The following SLC30A8 variants were observed in gnomAD, a reference collection of about 807,000 sequenced individuals.
SLC30A8 encodes the protein solute carrier family 30 member 8, also known as proton-coupled zinc antiporter SLC30A8.
In SLC30A8, 27 loss-of-function variants were observed where a neutral mutation model predicts 36.9. The ratio of observed to expected loss-of-function variants is 0.73; its 90% CI spans 0.54 to 1.01. The LOEUF is 1.01. Among genes scored for constraint, SLC30A8 ranks in the 50% least tolerant of loss-of-function variants. SLC30A8 has a pLI of 0.00. For synonymous variants in SLC30A8, 164 were observed against 172.4 expected, an observed-to-expected ratio of 0.95 and a Z score of 0.38; for missense variants, 439 against 452.0, an observed-to-expected ratio of 0.97 and a Z score of 0.26.
At chr8:117,008,759 T>G (rs1816256033) in intron 1 of SLC30A8, among the ~76,000 whole-genome samples, 1 of 152,210 alleles carries the variant, frequency 6.6e-6, no homozygotes, top group East Asian at 1.9e-4. Flanking sequence ...TCATGCTTTG[T>G]GTAGCCCAGT....
intron 1 of SLC30A8, among the ~76,000 whole-genome samples, chr8:116,956,046 G>C (rs541188647): frequency 1.3e-4 from 20 of 152,200 alleles, no homozygotes; most frequent in Non-Finnish European, 2.6e-4. Flanking sequence ...TGAGGTTGGT[G>C]ATCATGAATT....
intron 2 of SLC30A8, among the ~76,000 whole-genome samples, chr8:117,113,929 A>G (rs1180301438): frequency 6.6e-6 from 1 of 152,148 alleles, no homozygotes; most frequent in Non-Finnish European, 1.5e-5. Flanking sequence ...TTTATAAAAC[A>G]CAGAAGATTT....
Position 117,125,765 on chromosome 8 carries a change from T to C in SLC30A8, c.-225-9515T>C, listed in dbSNP as rs193198006. Among the ~76,000 whole-genome samples, 388 of 152,118 alleles carry C rather than the reference T, an allele frequency of 2.6e-3. 4 individuals carry two copies. The highest frequency in any genetic ancestry group is 0.023 in the Admixed American group (356 of 15,260). ...GAACTCCTCATGTCTCATAATAAATTGGTTCTCTCCATATATATTTAAGAA... is the reference window on the plus strand; with the variant it reads ...GAACTCCTCATGTCTCATAATAAATCGGTTCTCTCCATATATATTTAAGAA... On this transcript the variant is annotated intron_variant, in intron 2 of 10. Transcript: ENST00000427715.
chr8:117,064,071 C>A (rs904089540), intron 2 of SLC30A8, among the ~76,000 whole-genome samples: 1 of 151,922 alleles, frequency 6.6e-6, no homozygotes, highest in Non-Finnish European at 1.5e-5. Context: ...GATCTCCACT[C>A]ACTGCAACCT....
At chr8:117,016,018 A>T (rs1461630333) in intron 1 of SLC30A8, among the ~76,000 whole-genome samples, 2 of 152,188 alleles carry the variant, frequency 1.3e-5, no homozygotes, top group Non-Finnish European at 2.9e-5. Context: ...CTTGAATAAG[A>T]AGGAACAAGA....
At chr8:117,123,608 C>A (rs1220943875) in intron 2 of SLC30A8, among the ~76,000 whole-genome samples, 1 of 151,976 alleles carries the variant, frequency 6.6e-6, no homozygotes, top group Non-Finnish European at 1.5e-5. Context: ...ATAGCAATTA[C>A]ATATTTTACT....
intron 1 of SLC30A8, among the ~76,000 whole-genome samples, chr8:116,956,402 T>C (rs997027424): frequency 6.6e-5 from 10 of 152,164 alleles, no homozygotes; most frequent in Admixed American, 6.5e-5. Flanking sequence ...AGGATGTAAC[T>C]GAAGTGTGGT....
intron 2 of SLC30A8, among the ~76,000 whole-genome samples, chr8:117,101,417 ACTCAGTTGG>A (rs1819715492): frequency 6.6e-6 from 1 of 152,196 alleles, no homozygotes; most frequent in Admixed American, 6.6e-5. Context: ...GACCTATTTA[ACTCAGTTGG>A]CTCAGATGTA....
chr8:117,050,951 C>G (rs974987486), intron 2 of SLC30A8, among the ~76,000 whole-genome samples: 1 of 152,148 alleles, frequency 6.6e-6, no homozygotes, highest in South Asian at 2.1e-4. Flanking sequence ...CTCTCTTCTG[C>G]GAAATGGAGC....
At chr8:117,131,808 A>G (rs1821149850), upstream of SLC30A8, among the ~76,000 whole-genome samples, 1 of 151,980 alleles carries the variant, frequency 6.6e-6, no homozygotes, top group African/African-American at 2.4e-5. Context: ...ACTTTTATAC[A>G]TATTATCTGT....
At chr8:116,953,765 C>G (rs1814085379) in intron 1 of SLC30A8, among the ~76,000 whole-genome samples, 1 of 152,106 alleles carries the variant, frequency 6.6e-6, no homozygotes, top group South Asian at 2.1e-4. Context: ...CTGTTTTCCC[C>G]CATTTCAAGT....
chr8:117,025,989 G>A (rs552551590), intron 1 of SLC30A8, among the ~76,000 whole-genome samples: 198 of 152,288 alleles, frequency 1.3e-3, no homozygotes, highest in African/African-American at 4.5e-3. Flanking sequence ...CCTTCGCAGG[G>A]TGATGGTGCA....
At chr8:117,059,706 A>C (rs548070884) in intron 2 of SLC30A8, among the ~76,000 whole-genome samples, 2 of 152,332 alleles carry the variant, frequency 1.3e-5, no homozygotes, top group South Asian at 4.1e-4. Flanking sequence ...GTTAGGTTGA[A>C]TTCATTTGTA....
rs201104520 is a variant in SLC30A8 at position 116,999,329 on chromosome 8, G to T, written c.-265-39890G>T. Among the ~76,000 whole-genome samples, 474 of 93,164 alleles carry T rather than the reference G, an allele frequency of 5.1e-3. 3 individuals are homozygous for T. Among genetic ancestry groups the T allele is most frequent in the African/African-American group, 0.013 (438 of 34,076 alleles). The allele number at this position is 93,164 out of a possible 152,430, so 61.1% of individuals were successfully genotyped here. A position where few individuals can be genotyped will look rare whatever the true frequency, so the allele number is the denominator to read the frequency against. On this transcript the variant is annotated intron_variant, in intron 1 of 10. Transcript: ENST00000427715. ...CCTTTAGAAGACCTGGTCTGGACTT[G>T]GGGCTGGGTGTGGAAGGCATGTAAA... is the stretch of plus-strand genomic sequence containing the variant.
chr8:117,056,372 A>G (rs1817870787), intron 2 of SLC30A8, among the ~76,000 whole-genome samples: 1 of 152,098 alleles, frequency 6.6e-6, no homozygotes, highest in Non-Finnish European at 1.5e-5. Context: ...TAAGGAGGAA[A>G]GGCTTCTGGC....
chr8:117,169,444 AG>A (rs371855773), intron 6 of SLC30A8, among the ~76,000 whole-genome samples: 26 of 152,258 alleles, frequency 1.7e-4, no homozygotes, highest in African/African-American at 5.8e-4. Flanking sequence ...AGGAGGGTTA[AG>A]GGTTCCCCAT....
chr8:116,963,355 T>C (rs1214540115), intron 1 of SLC30A8, among the ~76,000 whole-genome samples: 2 of 152,122 alleles, frequency 1.3e-5, no homozygotes, highest in East Asian at 1.9e-4. Context: ...CTTTATAGTG[T>C]GATGCGACCA....
chr8:117,060,302 A>G (rs1817990207), intron 2 of SLC30A8, among the ~76,000 whole-genome samples: 1 of 152,124 alleles, frequency 6.6e-6, no homozygotes, highest in South Asian at 2.1e-4. Flanking sequence ...CAAGCAAGCA[A>G]GCGGGTGGGA....
chr8:117,130,582 C>T (rs1821087841), upstream of SLC30A8, among the ~76,000 whole-genome samples: 1 of 151,824 alleles, frequency 6.6e-6, no homozygotes, highest in Non-Finnish European at 1.5e-5. Context: ...ATGCTCTGTG[C>T]ATTTATAGAC....
Sources: gnomAD v4.1 joint callset for allele counts (sites outside exome capture counted in the v4.1 genomes callset) on GRCh38, gnomAD v4.1.1 for gene constraint, MANE v1.5 for transcripts, NCBI Gene and HGNC (gene_info 2026-07-23, HGNC 2026-07-21) for gene names.